Variants in TSR1 observed in about 807,000 individuals in gnomAD.
TSR1 encodes pre-rRNA-processing protein TSR1 homolog.
A neutral mutation model predicts 90.9 loss-of-function variants in TSR1; 81 were observed. The ratio of observed to expected loss-of-function variants is 0.89; its 90% CI spans 0.74 to 1.07. TSR1 has a LOEUF of 1.07. Among genes scored for constraint, TSR1 ranks in the 50% least tolerant of loss-of-function variants. TSR1 has a pLI of 0.00. For missense variants in TSR1, 989 were observed against 987.3 expected, an observed-to-expected ratio of 1.00 and a Z score of -0.02; for synonymous variants, 362 against 348.8, an observed-to-expected ratio of 1.04 and a Z score of -0.42.
At position 2,334,949 on chromosome 17, in the gene TSR1, T is replaced by C. The variant is rs2064040816; in HGVS notation, c.557-53A>G. On this transcript the variant is annotated intron_variant, in intron 4 of 14. Coordinates refer to ENST00000301364, the MANE Select transcript of TSR1 (RefSeq NM_018128.5). ...GACCTACTGCTTCATTACATAAAAA[T>C]CCCTCTGCAGTTCACAAACAACCTA... The C allele has an allele frequency of 1.9e-6, 3 of 1,548,634 alleles. No individual in the cohort carries two copies. The East Asian group carries it at 6.8e-5, about 35-fold the overall frequency.
rs760059024 is a variant in TSR1, at chr17:2,329,239, C to T, written c.1903+104G>A. ...CCAGAGTACTGAAAATACCTCTAACCCAGAGATGTAAGATTTTGAAACCAT... is the reference window on the plus strand; with the variant it reads ...CCAGAGTACTGAAAATACCTCTAACTCAGAGATGTAAGATTTTGAAACCAT... On this transcript the variant is annotated intron_variant, in intron 11 of 14. Coordinates refer to ENST00000301364, the MANE Select transcript of TSR1 (RefSeq NM_018128.5). 7.8e-6 allele frequency: 12 copies of T among 1,535,572 alleles called. No individual in the cohort carries two copies. The Admixed American group carries it at 1.7e-4, about 21-fold the overall frequency.
At chr17:2,332,137 A>C (rs2064008847) in intron 8 of TSR1, 32 bp downstream of exon 8, 1 of 1,596,474 alleles carries the variant, frequency 6.3e-7, no homozygotes, top group Non-Finnish European at 8.5e-7. Context: ...TATTGACTGA[A>C]TTTAGATTTG....
Position 2,330,553 on chromosome 17 carries a change from G to C in TSR1, c.1732C>G (p.Pro578Ala), listed in dbSNP as rs368194441. ...SVVECFRQGT[P>A]LIAFSLLPHE... ...GGTAGTAAAGAAAATGCAATCAAGG[G>C]TGTTCCTTGCCTGAAGCACTCGACC... The change falls in exon 10 of 15, where the codon CCC becomes GCC. Residue 578 changes from proline to alanine, a missense_variant. Coordinates refer to ENST00000301364, the MANE Select transcript of TSR1 (RefSeq NM_018128.5). 1 of 1,613,718 alleles carries C rather than the reference G, an allele frequency of 6.2e-7. No homozygotes were observed. Among genetic ancestry groups the C allele is most frequent in the African/African-American group, 1.3e-5 (1 of 74,784 alleles).
At chr17:2,333,156 C>CTTA (rs747741974) in intron 6 of TSR1, 32 bp from the exon 7 acceptor site, 5 of 1,610,790 alleles carry the variant, frequency 3.1e-6, no homozygotes, top group Non-Finnish European at 3.4e-6. Flanking sequence ...AAGTAAATTA[C>CTTA]AGACTTCTTT....
chr17:2,332,495 T>C, intron 7 of TSR1, 136 bp from the exon 8 acceptor site: 1 of 776,034 alleles, frequency 1.3e-6, no homozygotes, highest in Non-Finnish European at 2.0e-6. Context: ...GTCTAAAGTA[T>C]AAAACAAAAG....
rs1259211465 is a variant in TSR1, at chr17:2,334,539, G to A, written c.914C>T (p.Pro305Leu). 6.2e-7 allele frequency: 1 copy of A among 1,613,974 alleles called. No individual in the cohort carries two copies. The change falls in exon 5 of 15, where the codon CCC becomes CTC. Residue 305 changes from proline (P) to leucine (L), a missense_variant. By Grantham distance (98) the Pro-to-Leu change is moderately conservative. Transcript: ENST00000301364. ...GDFQMKQIDA[P>L]GDPFPLNPRG... is the part of the protein sequence containing the mutation. ...AGGATTTAAAGGGAAAGGGTCTCCGGGGGCATCTATCTGTTTCATCTGGAA... is the reference window on the plus strand; with the variant it reads ...AGGATTTAAAGGGAAAGGGTCTCCGAGGGCATCTATCTGTTTCATCTGGAA...
intron 8 of TSR1, among the ~76,000 whole-genome samples, chr17:2,331,758 C>G (rs1189232593): frequency 6.6e-6 from 1 of 152,190 alleles, no homozygotes; most frequent in Non-Finnish European, 1.5e-5. Flanking sequence ...AGCCTTACCT[C>G]CTAATATCCA....
At chr17:2,333,501 C>T in intron 6 of TSR1, 56 bp downstream of exon 6, 1 of 1,610,612 alleles carries the variant, frequency 6.2e-7, no homozygotes, top group Admixed American at 1.7e-5. Flanking sequence ...GGAACAGCTA[C>T]AGAAAATCCA....
Position 2,326,685 on chromosome 17 carries a change from TG to T in TSR1, c.1904-1266del, listed in dbSNP as rs542417358. Among the ~76,000 whole-genome samples the T allele has an allele frequency of 6.5e-4, 99 of 152,326 alleles. 1 individual carries two copies. The South Asian group carries it at 0.02, about 31-fold the overall frequency. On this transcript the variant is annotated intron_variant, in intron 11 of 14. Coordinates refer to ENST00000301364, the MANE Select transcript of TSR1 (RefSeq NM_018128.5). ...GGAAAATAAAATATTTTAAGGGCTG[TG>T]GTGTGAACACAGCTCACTGGAGCCT... is the stretch of plus-strand genomic sequence containing the variant.
chr17:2,326,977 C>T (rs1001377510), intron 11 of TSR1, among the ~76,000 whole-genome samples: 6 of 151,934 alleles, frequency 3.9e-5, no homozygotes, highest in East Asian at 1.9e-4. Flanking sequence ...TGGTGGTACA[C>T]GCCTGTAATC....
chr17:2,324,139 G>C lies in TSR1; in HGVS notation c.*57C>G. 2 of 1,505,744 alleles carry C rather than the reference G, an allele frequency of 1.3e-6. No homozygotes were observed. The highest frequency in any genetic ancestry group is 1.8e-6 in the Non-Finnish European group (2 of 1,130,282). 93.3% of individuals were successfully genotyped at this position (1,505,744 alleles called of 1,614,324 possible). On this transcript the variant is annotated 3_prime_UTR_variant, in exon 15 of 15. Coordinates refer to ENST00000301364, the MANE Select transcript of TSR1 (RefSeq NM_018128.5). The stretch of plus-strand genomic sequence containing the variant: ...TAAACTTTGCCCAATCACAACTTGT[G>C]CCTCCCATCCCTGGAGTACTGACTG...
At position 2,323,577 on chromosome 17, in the gene TSR1, C is replaced by T. The variant is rs552400594; in HGVS notation, c.*619G>A. On this transcript the variant is annotated 3_prime_UTR_variant, in exon 15 of 15. Coordinates refer to ENST00000301364, the MANE Select transcript of TSR1 (RefSeq NM_018128.5). ...GTGATAAGAAAATTCAAACTGGACA[C>T]GTATTCTCATCTGAACTTTATAGGT... 35 of 1,440,820 alleles carry T rather than the reference C, an allele frequency of 2.4e-5. No individual in the cohort carries two copies. Among genetic ancestry groups the T allele is most frequent in the South Asian group, 2.4e-4 (20 of 84,500 alleles). 89.3% of individuals were successfully genotyped at this position (1,440,820 alleles called of 1,614,324 possible). A position where few individuals can be genotyped will look rare whatever the true frequency, so the allele number is the denominator to read the frequency against.
intron 11 of TSR1, among the ~76,000 whole-genome samples, chr17:2,327,472 C>T (rs555774242): frequency 2.0e-5 from 3 of 151,264 alleles, no homozygotes; most frequent in East Asian, 1.9e-4. Context: ...TGACCTCAAG[C>T]GATCCTCCTG....
chr17:2,329,788 A>T (rs1432780745), intron 10 of TSR1, among the ~76,000 whole-genome samples: 1 of 152,088 alleles, frequency 6.6e-6, no homozygotes, highest in Non-Finnish European at 1.5e-5. Context: ...CACTCACCAC[A>T]ATCTCAAAAC....
intron 6 of TSR1, 76 bp downstream of exon 6, chr17:2,333,481 G>A (rs555964374): frequency 1.3e-6 from 2 of 1,576,606 alleles, no homozygotes; most frequent in African/African-American, 1.3e-5. Context: ...ATCCTATAGG[G>A]CCCTCACTTG....
intron 10 of TSR1, 102 bp downstream of exon 10, chr17:2,330,413 C>A: frequency 9.8e-7 from 1 of 1,022,852 alleles, no homozygotes; most frequent in Non-Finnish European, 1.6e-6. Context: ...TTTTTGCATC[C>A]CAATGAGCAA....
At chr17:2,336,007 C>A in intron 2 of TSR1, 30 bp downstream of exon 2, 1 of 1,609,260 alleles carries the variant, frequency 6.2e-7, no homozygotes. Flanking sequence ...ACCAGAGAAG[C>A]CGCATTCTCC....
intron 6 of TSR1, 135 bp from the exon 7 acceptor site, chr17:2,333,259 T>C: frequency 1.8e-6 from 2 of 1,081,222 alleles, no homozygotes; most frequent in South Asian, 1.3e-5. Flanking sequence ...TAGAACTACT[T>C]CCAAATTTAA....
At position 2,324,268 on chromosome 17, in the gene TSR1, T is replaced by C. The variant is rs776923067; in HGVS notation, c.2343A>G (p.Pro781=). The C allele has an allele frequency of 5.1e-5, 79 of 1,551,754 alleles. No individual in the cohort carries two copies. The highest frequency in any genetic ancestry group is 6.5e-5 in the Non-Finnish European group (75 of 1,154,646). The stretch of plus-strand genomic sequence containing the variant: ...GCCAGGGTACTGGTTCTGGTACATA[T>C]GGATCATAAGTCCATTTGGGGAAGA... ...KRVFPKWTYD[P]YVPEPVPWLK... The change falls in exon 15 of 15, where the codon CCA becomes CCG. Residue 781 remains proline (P), a synonymous_variant. Transcript: ENST00000301364.
Sources: gnomAD v4.1 joint callset for allele counts (sites outside exome capture counted in the v4.1 genomes callset) on GRCh38, gnomAD v4.1.1 for gene constraint, MANE v1.5 for transcripts, NCBI Gene and HGNC (gene_info 2026-07-23, HGNC 2026-07-21) for gene names.